Variants in CDH13 observed in about 807,000 individuals in gnomAD.
CDH13 encodes the protein cadherin 13, also known as cadherin-13.
CDH13 carries 24 observed loss-of-function variants against 63.8 expected under a neutral mutation model. The observed-to-expected ratio is 0.38, with a 90% confidence interval of 0.27 to 0.53. The LOEUF is 0.53. Ranked by LOEUF, CDH13 falls within the 20% of genes least tolerant of loss-of-function variation. The pLI is 0.85. For synonymous variants in CDH13, 503 were observed against 355.3 expected (o/e 1.42, Z -4.67); for missense variants, 1,049 against 903.1 (o/e 1.16, Z -2.07).
intron 1 of CDH13, among the ~76,000 whole-genome samples, chr16:82,744,031 C>A (rs1489493288): frequency 6.6e-6 from 1 of 152,166 alleles, no homozygotes; most frequent in Non-Finnish European, 1.5e-5. Flanking sequence ...ATTTTTAAAG[C>A]ACAAAGTTTT....
chr16:82,735,659 A>C (rs959759229), intron 1 of CDH13, among the ~76,000 whole-genome samples: 3 of 152,122 alleles, frequency 2.0e-5, no homozygotes, highest in African/African-American at 7.2e-5. Flanking sequence ...TGTGGGGTGA[A>C]ATGGAAGGTT....
intron 5 of CDH13, among the ~76,000 whole-genome samples, chr16:83,234,896 C>G (rs1041539661): frequency 6.6e-6 from 1 of 152,302 alleles, no homozygotes; most frequent in East Asian, 1.9e-4. Context: ...CACACTGACT[C>G]TGTTAACTGC....
intron 12 of CDH13, among the ~76,000 whole-genome samples, chr16:83,781,246 A>G (rs553805867): frequency 1.0e-3 from 157 of 152,334 alleles, no homozygotes; most frequent in Non-Finnish European, 1.9e-3. Context: ...GTATCCCTAT[A>G]TCCACAATCT....
intron 10 of CDH13, among the ~76,000 whole-genome samples, chr16:83,700,239 C>T (rs1451534255): frequency 2.6e-5 from 4 of 152,250 alleles, no homozygotes; most frequent in African/African-American, 4.8e-5. Context: ...GGGATTCATC[C>T]GTGTTGTCAC....
intron 2 of CDH13, among the ~76,000 whole-genome samples, chr16:83,005,187 G>T (rs1032652312): frequency 5.3e-5 from 8 of 152,174 alleles, no homozygotes; most frequent in Non-Finnish European, 1.2e-4. Flanking sequence ...CACAATTTCT[G>T]CCAGGGCTTT....
chr16:83,724,764 T>C (rs908828643), intron 10 of CDH13, among the ~76,000 whole-genome samples: 25 of 152,272 alleles, frequency 1.6e-4, no homozygotes, highest in Middle Eastern at 3.4e-3. Context: ...AGGAGCAAGA[T>C]GATTGATGAA....
intron 2 of CDH13, among the ~76,000 whole-genome samples, chr16:82,880,150 A>C (rs960208367): frequency 2.0e-5 from 3 of 151,980 alleles, no homozygotes; most frequent in Non-Finnish European, 4.4e-5. Flanking sequence ...CCTACTGATC[A>C]GTGTATATTT....
At chr16:83,008,276 T>G (rs1446721358) in intron 2 of CDH13, among the ~76,000 whole-genome samples, 1 of 152,168 alleles carries the variant, frequency 6.6e-6, no homozygotes, top group Admixed American at 6.6e-5. Flanking sequence ...ATTGAAATGT[T>G]AGATGGGCTG....
At chr16:82,665,077 A>G (rs904933616) in intron 1 of CDH13, among the ~76,000 whole-genome samples, 4 of 152,208 alleles carry the variant, frequency 2.6e-5, no homozygotes, top group Admixed American at 2.0e-4. Flanking sequence ...CATATGATGT[A>G]TATGCTTCCA....
intron 1 of CDH13, among the ~76,000 whole-genome samples, chr16:82,670,650 G>A (rs1303223397): frequency 6.6e-6 from 1 of 152,208 alleles, no homozygotes; most frequent in African/African-American, 2.4e-5. Flanking sequence ...CATTTGCAAT[G>A]TTCAGAGTAT....
chr16:83,459,696 C>T (rs920160253), intron 6 of CDH13, among the ~76,000 whole-genome samples: 1 of 152,096 alleles, frequency 6.6e-6, no homozygotes, highest in African/African-American at 2.4e-5. Flanking sequence ...AAAGGTAAAA[C>T]CTGTATTAAG....
intron 4 of CDH13, among the ~76,000 whole-genome samples, chr16:83,130,495 C>G (rs375159172): frequency 3.9e-5 from 6 of 152,020 alleles, no homozygotes; most frequent in African/African-American, 1.5e-4. Flanking sequence ...TGGCAATGCA[C>G]TCAAAAATAA....
At chr16:83,748,389 A>C in intron 11 of CDH13, 139 bp downstream of exon 11, 1 of 725,322 alleles carries the variant, frequency 1.4e-6, no homozygotes, top group Non-Finnish European at 2.2e-6. Flanking sequence ...TAAATGTTTA[A>C]ATATACACAT....
At position 82,972,451 on chromosome 16, in the gene CDH13, A is replaced by G. The variant is rs138550013; in HGVS notation, c.158-59559A>G. The stretch of plus-strand genomic sequence containing the variant: ...CAGCCCAGCATCTCATCTCTTCTTT[A>G]GCCGAAAAACATACTGCATTAGCTG... On this transcript the variant is annotated intron_variant, in intron 2 of 13. Transcript: ENST00000567109. 1.4e-3 allele frequency among the ~76,000 whole-genome samples: 214 copies of G among 152,278 alleles called. 2 individuals are homozygous for G. The highest frequency in any genetic ancestry group is 5.0e-3 in the African/African-American group (207 of 41,544).
intron 3 of CDH13, among the ~76,000 whole-genome samples, chr16:83,038,958 A>T (rs1416978627): frequency 6.6e-6 from 1 of 152,182 alleles, no homozygotes; most frequent in Non-Finnish European, 1.5e-5. Flanking sequence ...GCTTAGAGGA[A>T]TTTATTCTGA....
At chr16:83,085,763 G>A (rs1300339463) in intron 3 of CDH13, among the ~76,000 whole-genome samples, 1 of 152,164 alleles carries the variant, frequency 6.6e-6, no homozygotes, top group Non-Finnish European at 1.5e-5. Flanking sequence ...ATATATTTGG[G>A]AAACGTTATT....
At chr16:82,962,526 A>T (rs952317110) in intron 2 of CDH13, among the ~76,000 whole-genome samples, 15 of 152,146 alleles carry the variant, frequency 9.9e-5, no homozygotes, top group Non-Finnish European at 1.9e-4. Flanking sequence ...ACATTAGGAG[A>T]GATGGGGTCC....
chr16:82,888,543 G>T (rs1012128477), intron 2 of CDH13, among the ~76,000 whole-genome samples: 4 of 152,206 alleles, frequency 2.6e-5, no homozygotes, highest in Non-Finnish European at 4.4e-5. Context: ...TGGACAGAAA[G>T]CCTCCTCCAT....
At chr16:83,722,039 C>T (rs555840537) in intron 10 of CDH13, among the ~76,000 whole-genome samples, 2 of 152,148 alleles carry the variant, frequency 1.3e-5, no homozygotes, top group African/African-American at 2.4e-5. Context: ...TGGGAGGATC[C>T]AGGGGACACT....
Sources: gnomAD v4.1 joint callset for allele counts (sites outside exome capture counted in the v4.1 genomes callset) on GRCh38, gnomAD v4.1.1 for gene constraint, MANE v1.5 for transcripts, NCBI Gene and HGNC (gene_info 2026-07-23, HGNC 2026-07-21) for gene names.